ATXN7: variants seen among roughly 807,000 people sequenced by gnomAD.
The protein encoded by ATXN7 is ataxin-7.
Under a neutral mutation model 70.5 loss-of-function variants are expected in ATXN7, and 12 were observed. That is an observed-to-expected ratio of 0.17 (90% confidence interval 0.11 to 0.28). The LOEUF (loss-of-function observed/expected upper bound fraction) is 0.28, where lower values mean the gene tolerates loss of function less well. ATXN7 is among the 10% of genes least tolerant of loss of function. The probability of loss-of-function intolerance (pLI) is 1.00; values close to 1 mark genes in which losing one functional copy is unlikely to be tolerated. For synonymous variants in ATXN7, 498 were observed against 448.7 expected, an observed-to-expected ratio of 1.11 and a Z score of -1.39; for missense variants, 1,256 against 1,131.7, an observed-to-expected ratio of 1.11 and a Z score of -1.58.
chr3:63,966,999 G>A (rs986273527), intron 5 of ATXN7, among the ~76,000 whole-genome samples: 3 of 152,104 alleles, frequency 2.0e-5, no homozygotes, highest in Non-Finnish European at 2.9e-5. Flanking sequence ...ACCTGGGCTG[G>A]AGTGCGGTGG....
rs774863708 is a variant in ATXN7, at chr3:63,979,952, C to T, written c.537C>T (p.Ala179=). The T allele has an allele frequency of 1.1e-5, 17 of 1,614,080 alleles. No homozygotes were observed. The highest frequency in any genetic ancestry group is 2.7e-5 in the African/African-American group (2 of 74,932). ...RHSSSSKPPL[A]VPPTSVFSFF... ...GCTCATCCAGCAAGCCGCCTTTGGC[C>T]GTTCCTCCCACTTCAGTATTTTCCT... The change falls in exon 6 of 13, where the codon GCC becomes GCT. Residue 179 remains alanine, a synonymous_variant. Transcript: ENST00000674280.
chr3:63,912,667 AGCGGCCGCGGCCGCCCG>A lies in ATXN7; in HGVS notation c.72_88del (p.Arg29AlafsTer54). 1 of 1,050,768 alleles carries A rather than the reference AGCGGCCGCGGCCGCCCG, an allele frequency of 9.5e-7. No homozygotes were observed. Among genetic ancestry groups the A allele is most frequent in the Non-Finnish European group, 1.1e-6 (1 of 870,650 alleles). The allele number at this position is 1,050,768 out of a possible 1,614,324, so 65.1% of individuals were successfully genotyped here. ...GCGCGGCGGCGGCGGCGGGCGGAGC[AGCGGCCGCGGCCGCCCG>A]GCAGCAGCAGCAGCAGCAGCAGCAG... On this transcript the variant is annotated frameshift_variant, in exon 3 of 13. Coordinates refer to ENST00000674280, the MANE Select transcript of ATXN7 (RefSeq NM_001377405.1). LOFTEE classifies it high-confidence loss of function.
At position 63,995,760 on chromosome 3, in the gene ATXN7, G is replaced by A. The variant is rs1163208366; in HGVS notation, c.1938G>A (p.Val646=). The A allele has an allele frequency of 6.2e-7, 1 of 1,614,058 alleles. No homozygotes were observed. Among genetic ancestry groups the A allele is most frequent in the Non-Finnish European group, 8.5e-7 (1 of 1,180,048 alleles). The change falls in exon 12 of 13, where the codon GTG becomes GTA. Residue 646 remains valine (V), a synonymous_variant. Transcript: ENST00000674280. ...TGTGCAGTATGCAATCCAGACAAGTGTCCTCTTCATCCTCATCCCCTTCCA... is the reference window on the plus strand; with the variant it reads ...TGTGCAGTATGCAATCCAGACAAGTATCCTCTTCATCCTCATCCCCTTCCA... ...DPVCSMQSRQ[V]SSSSSSPSTP...
intron 5 of ATXN7, among the ~76,000 whole-genome samples, chr3:63,963,029 C>T (rs183252583): frequency 6.6e-6 from 1 of 151,866 alleles, no homozygotes; most frequent in Admixed American, 6.6e-5. Flanking sequence ...AATCCTTCCA[C>T]CTCAGCCCTT....
At chr3:63,940,599 T>C (rs1400193288) in intron 4 of ATXN7, among the ~76,000 whole-genome samples, 2 of 152,162 alleles carry the variant, frequency 1.3e-5, no homozygotes, top group Non-Finnish European at 2.9e-5. Flanking sequence ...TATCGAGCCC[T>C]TATGTGTACA....
chr3:63,982,348 G>A lies in ATXN7; in HGVS notation c.915G>A (p.Gln305=). The A allele has an allele frequency of 6.2e-7, 1 of 1,614,192 alleles. No homozygotes were observed. The highest frequency in any genetic ancestry group is 8.5e-7 in the Non-Finnish European group (1 of 1,180,026). Residue 305 remains glutamine, a synonymous_variant, in exon 7 of 13, where the codon CAG becomes CAA. Transcript: ENST00000674280. The stretch of plus-strand genomic sequence containing the variant: ...AGCCAACCTTGCCTTCACCTGGACA[G>A]ATTCTGAATGGCAAAGGGCTTCCTG... ...IPKPTLPSPG[Q]ILNGKGLPAP...
chr3:63,869,656 C>T (rs1047899919), intron 1 of ATXN7, among the ~76,000 whole-genome samples: 5 of 152,186 alleles, frequency 3.3e-5, no homozygotes, highest in Non-Finnish European at 7.3e-5. Context: ...AGCTCCTGAC[C>T]TCAGGTGATC....
chr3:63,919,836 A>G (rs1434747937), intron 4 of ATXN7, among the ~76,000 whole-genome samples: 3 of 145,506 alleles, frequency 2.1e-5, no homozygotes, highest in East Asian at 4.2e-4. Context: ...GAGCACGAAT[A>G]GCGCTGTTAT....
chr3:63,884,569 T>C (rs2107230610), intron 1 of ATXN7, among the ~76,000 whole-genome samples: 1 of 152,074 alleles, frequency 6.6e-6, no homozygotes, highest in Non-Finnish European at 1.5e-5. Context: ...AAATCTTTAA[T>C]ATAAAAGAAC....
rs911568898 is a variant in ATXN7, at chr3:63,983,121, C to G, written c.1095+100C>G. 4.1e-6 allele frequency: 4 copies of G among 973,774 alleles called. No individual in the cohort carries two copies. The African/African-American group carries it at 6.5e-5, about 16-fold the overall frequency. The allele number at this position is 973,774 out of a possible 1,614,324, so 60.3% of individuals were successfully genotyped here. On this transcript the variant is annotated intron_variant, in intron 8 of 12. Coordinates refer to ENST00000674280, the MANE Select transcript of ATXN7 (RefSeq NM_001377405.1). ...CAGTCTCTCTAACCCAGAGAAGATG[C>G]TCTGTGGATTGTTGTGAATTGTGTA...
intron 4 of ATXN7, among the ~76,000 whole-genome samples, chr3:63,914,046 A>G (rs1363487689): frequency 6.6e-6 from 1 of 152,158 alleles, no homozygotes; most frequent in Admixed American, 6.5e-5. Context: ...TTCAGTTTCA[A>G]GTTATTCTTT....
chr3:63,925,084 CATGAG>C (rs1704664146), intron 4 of ATXN7, among the ~76,000 whole-genome samples: 1 of 152,116 alleles, frequency 6.6e-6, no homozygotes, highest in African/African-American at 2.4e-5. Context: ...ATCACATTCT[CATGAG>C]AGGAAAAGCA....
chr3:63,914,608 C>T (rs1025796304), intron 4 of ATXN7, among the ~76,000 whole-genome samples: 2 of 152,072 alleles, frequency 1.3e-5, no homozygotes, highest in African/African-American at 2.4e-5. Flanking sequence ...CTTTAGAGGA[C>T]CTGACCTACT....
chr3:63,871,500 A>G (rs114589134), intron 1 of ATXN7, among the ~76,000 whole-genome samples: 3,333 of 152,352 alleles, frequency 0.022, 67 homozygotes, highest in South Asian at 0.073. Context: ...TTGGTGAAGT[A>G]TGCACAGATG....
intron 1 of ATXN7, among the ~76,000 whole-genome samples, chr3:63,887,013 C>CT (rs1703107208): frequency 6.6e-6 from 1 of 152,152 alleles, no homozygotes; most frequent in South Asian, 2.1e-4. Context: ...ATGAAAAACT[C>CT]TCATCTTCCC....
At chr3:63,914,653 C>T (rs1704189368) in intron 4 of ATXN7, among the ~76,000 whole-genome samples, 1 of 152,156 alleles carries the variant, frequency 6.6e-6, no homozygotes, top group East Asian at 1.9e-4. Flanking sequence ...GGTGTGGATA[C>T]ATATCCTATA....
chr3:63,971,958 CTT>C (rs937111248), intron 5 of ATXN7, among the ~76,000 whole-genome samples: 71 of 152,032 alleles, frequency 4.7e-4, no homozygotes, highest in Admixed American at 6.6e-5. Context: ...TTTATGCAGT[CTT>C]TATTTCTAGT....
intron 2 of ATXN7, among the ~76,000 whole-genome samples, chr3:63,907,706 C>A (rs1263876839): frequency 6.6e-6 from 1 of 151,666 alleles, no homozygotes; most frequent in Non-Finnish European, 1.5e-5. Context: ...CTTGGTCCCC[C>A]AAAGTGCTGG....
At chr3:63,952,866 T>TTA in intron 5 of ATXN7, among the ~76,000 whole-genome samples, 1 of 141,142 alleles carries the variant, frequency 7.1e-6, no homozygotes, top group African/African-American at 2.7e-5. Flanking sequence ...TTTTTTTTTT[T>TTA]AAGGAAATGT....
Sources: gnomAD v4.1 joint callset for allele counts (sites outside exome capture counted in the v4.1 genomes callset) on GRCh38, gnomAD v4.1.1 for gene constraint, MANE v1.5 for transcripts, NCBI Gene and HGNC (gene_info 2026-07-23, HGNC 2026-07-21) for gene names.